Variants in SLCO1A2 observed in about 807,000 individuals in gnomAD.
SLCO1A2 encodes solute carrier organic anion transporter family member 1A2.
In SLCO1A2, 67 loss-of-function variants were observed where a neutral mutation model predicts 69.0. The ratio of observed to expected loss-of-function variants is 0.97; its 90% CI spans 0.80 to 1.19. The LOEUF (loss-of-function observed/expected upper bound fraction) is 1.19. Ranked by LOEUF, SLCO1A2 falls within the 50% of genes most tolerant of loss-of-function variation. The pLI, the probability that SLCO1A2 is intolerant of heterozygous loss-of-function variation, is 0.00. For synonymous variants in SLCO1A2, 260 were observed against 265.9 expected, an observed-to-expected ratio of 0.98 and a Z score of 0.22; for missense variants, 787 against 793.7, an observed-to-expected ratio of 0.99 and a Z score of 0.10.
chr12:21,383,946 A>C (rs1171973905), intron 1 of SLCO1A2, among the ~76,000 whole-genome samples: 5 of 143,970 alleles, frequency 3.5e-5, no homozygotes, highest in African/African-American at 1.4e-4. Context: ...AAAACAAATT[A>C]TTTTAATATA....
chr12:21,278,301 C>G (rs922576013), intron 12 of SLCO1A2, among the ~76,000 whole-genome samples: 27 of 152,086 alleles, frequency 1.8e-4, no homozygotes, highest in African/African-American at 6.0e-4. Flanking sequence ...CTGGACCTTC[C>G]TGGGGACTGG....
rs543173463 is a variant in SLCO1A2, at chr12:21,359,508, T to C, written c.-63+14891A>G. On this transcript the variant is annotated intron_variant, in intron 2 of 15. Transcript: ENST00000307378. The stretch of plus-strand genomic sequence containing the variant: ...TTCTTCCTACCCAATAACCTTGCAA[T>C]GAAATCCACCATTTGGCAAGCCATG... Among the ~76,000 whole-genome samples, 3 of 152,200 alleles carry C rather than the reference T, an allele frequency of 2.0e-5. No homozygotes were observed. The South Asian group carries it at 6.2e-4, about 32-fold the overall frequency.
At chr12:21,406,242 AT>A (rs1941823014) in intron 1 of SLCO1A2, among the ~76,000 whole-genome samples, 1 of 152,148 alleles carries the variant, frequency 6.6e-6, no homozygotes, top group Admixed American at 6.6e-5. Context: ...AAGTCAGAAC[AT>A]TTTTTTCTAA....
At chr12:21,272,798 T>C (rs12298817) in intron 14 of SLCO1A2, among the ~76,000 whole-genome samples, 28,329 of 152,006 alleles carry the variant, frequency 0.19, 3,318 homozygotes, top group African/African-American at 0.33. Context: ...TTGTGTGGGG[T>C]TTTTTCTTAT....
chr12:21,339,701 G>C (rs769576243), upstream of SLCO1A2, among the ~76,000 whole-genome samples: 2 of 151,890 alleles, frequency 1.3e-5, no homozygotes, highest in Admixed American at 6.6e-5. Flanking sequence ...TATCAGAAAA[G>C]GGAAGGGCTG....
chr12:21,361,621 T>A (rs1178834653), intron 2 of SLCO1A2, among the ~76,000 whole-genome samples: 2 of 152,032 alleles, frequency 1.3e-5, no homozygotes, highest in Admixed American at 1.3e-4. Context: ...TTTGAACCTA[T>A]CACAAAGAAG....
intron 2 of SLCO1A2, among the ~76,000 whole-genome samples, chr12:21,354,701 G>T (rs570801061): frequency 7.0e-4 from 107 of 152,186 alleles, no homozygotes; most frequent in African/African-American, 2.3e-3. Context: ...TCAAATTTCT[G>T]TTTTTTAGCC....
At position 21,281,278 on chromosome 12, in the gene SLCO1A2, C is replaced by T. The variant is rs142162215; in HGVS notation, c.1611-5854G>A. Among the ~76,000 whole-genome samples the T allele has an allele frequency of 1.8e-3, 267 of 151,994 alleles. 8 individuals carry two copies. The East Asian group carries it at 0.046, about 26-fold the overall frequency. On this transcript the variant is annotated intron_variant, in intron 12 of 14. Transcript: ENST00000683939. ...CATCTTGGCCAACATGGTGAAATCC[C>T]GTCTCTACTAAAAATACAAAAATTA... is the stretch of plus-strand genomic sequence containing the variant.
chr12:21,402,461 A>T (rs1180652412), intron 1 of SLCO1A2, among the ~76,000 whole-genome samples: 1 of 152,156 alleles, frequency 6.6e-6, no homozygotes, highest in Non-Finnish European at 1.5e-5. Flanking sequence ...ATTGAAAAGT[A>T]GCACAATACC....
intron 2 of SLCO1A2, among the ~76,000 whole-genome samples, chr12:21,340,343 A>G (rs1269026993): frequency 6.6e-6 from 1 of 152,026 alleles, no homozygotes; most frequent in African/African-American, 2.4e-5. Flanking sequence ...TGACTTGATG[A>G]TACATACACC....
At chr12:21,338,792 C>T (rs183039081), upstream of SLCO1A2, among the ~76,000 whole-genome samples, 5 of 151,878 alleles carry the variant, frequency 3.3e-5, no homozygotes, top group Admixed American at 6.6e-5. Flanking sequence ...TCCTTTTTCT[C>T]ATAGAGACAA....
At position 21,407,124 on chromosome 12, in the gene SLCO1A2, CAA is replaced by C. The variant is rs569562546; in HGVS notation, c.-312+10756_-312+10757del. ...AAGGCAAAAGTGCTCTGAAGAAAATCAAACAGAATGATGGGCTTGGGAGTGGA... is the reference window on the plus strand; with the variant it reads ...AAGGCAAAAGTGCTCTGAAGAAAATCACAGAATGATGGGCTTGGGAGTGGA... On this transcript the variant is annotated intron_variant, in intron 1 of 4. Coordinates refer to the SLCO1A2 transcript ENST00000413682. Among the ~76,000 whole-genome samples, 155 of 152,094 alleles carry C rather than the reference CAA, an allele frequency of 1.0e-3. 1 individual carries two copies. Among genetic ancestry groups the C allele is most frequent in the African/African-American group, 3.5e-3 (144 of 41,498 alleles).
chr12:21,390,309 T>C (rs1438467334), intron 1 of SLCO1A2, among the ~76,000 whole-genome samples: 1 of 152,112 alleles, frequency 6.6e-6, no homozygotes, highest in African/African-American at 2.4e-5. Context: ...GTTGCATACT[T>C]TATTTTACTC....
intron 1 of SLCO1A2, among the ~76,000 whole-genome samples, chr12:21,402,258 T>C (rs1029967512): frequency 6.6e-6 from 1 of 151,776 alleles, no homozygotes; most frequent in Non-Finnish European, 1.5e-5. Context: ...GAGAACATGT[T>C]TGAAACGTAT....
chr12:21,336,735 G>C (rs1302310053), upstream of SLCO1A2, among the ~76,000 whole-genome samples: 3 of 152,040 alleles, frequency 2.0e-5, no homozygotes, highest in East Asian at 5.8e-4. Flanking sequence ...CCCCAAATCA[G>C]GAAATTCCGT....
chr12:21,419,387 C>G (rs1049492838), upstream of SLCO1A2: 1 of 153,170 alleles, frequency 6.5e-6, no homozygotes, highest in African/African-American at 2.4e-5. Flanking sequence ...CGAAGCAGGG[C>G]GAGGCATTGC....
intron 2 of SLCO1A2, among the ~76,000 whole-genome samples, chr12:21,361,641 T>C (rs1938895446): frequency 6.6e-6 from 1 of 151,976 alleles, no homozygotes; most frequent in African/African-American, 2.4e-5. Flanking sequence ...GCTAAAAACC[T>C]TGAAAAAAGA....
intron 2 of SLCO1A2, among the ~76,000 whole-genome samples, chr12:21,349,587 T>A (rs1266098945): frequency 1.3e-5 from 2 of 152,092 alleles, no homozygotes; most frequent in Admixed American, 6.5e-5. Context: ...CATCTAACCC[T>A]CAAAATGAAG....
chr12:21,299,770 G>GTATATGTGTGTGTATATATA (rs1555112072), intron 8 of SLCO1A2, among the ~76,000 whole-genome samples: 2 of 129,716 alleles, frequency 1.5e-5, no homozygotes, highest in African/African-American at 5.7e-5. Flanking sequence ...ATATACGTGT[G>GTATATGTGTGTGTATATATA]TATATATATA....
Sources: allele counts gnomAD v4.1 joint callset (sites outside exome capture counted in the v4.1 genomes callset), GRCh38; gene constraint gnomAD v4.1.1; transcripts MANE v1.5; gene names NCBI Gene and HGNC (gene_info 2026-07-23, HGNC 2026-07-21).